The following MAP3K7 variants were observed in gnomAD, a reference collection of about 807,000 sequenced individuals.
MAP3K7 encodes the protein mitogen-activated protein kinase kinase kinase 7, also known as TGF-beta activated kinase 1.
A neutral mutation model predicts 84.8 loss-of-function variants in MAP3K7; 21 were observed. The observed-to-expected ratio is 0.25, with a 90% CI of 0.18 to 0.36. The LOEUF (loss-of-function observed/expected upper bound fraction) is 0.36, where lower values mean the gene tolerates loss of function less well. Among genes scored for constraint, MAP3K7 ranks in the 10% least tolerant of loss-of-function variants. The pLI, the probability that MAP3K7 is intolerant of heterozygous loss-of-function variation, is 1.00. For missense variants in MAP3K7, 503 were observed against 747.7 expected, an observed-to-expected ratio of 0.67 and a Z score of 3.82; for synonymous variants, 241 against 247.7, an observed-to-expected ratio of 0.97 and a Z score of 0.25.
At position 90,518,497 on chromosome 6, in the gene MAP3K7, T is replaced by A; in HGVS notation, c.1590A>T (p.Ala530=). 1 of 1,609,186 alleles carries A rather than the reference T, an allele frequency of 6.2e-7. No homozygotes were observed. Among genetic ancestry groups the A allele is most frequent in the Admixed American group, 1.7e-5 (1 of 59,718 alleles). The change falls in exon 16 of 17, where the codon GCA becomes GCT. Residue 530 remains alanine (A), a synonymous_variant. Coordinates refer to ENST00000369329, the MANE Select transcript of MAP3K7 (RefSeq NM_145331.3). ...MAVFEQHCKM[A]QEYMKVQTEI... ...CTGTTTGAACTTTCATATATTCTTG[T>A]GCCATTTTACAATGCTGTTCAAACA...
intron 5 of MAP3K7, among the ~76,000 whole-genome samples, chr6:90,558,996 TC>T (rs1776422285): frequency 6.6e-6 from 1 of 152,224 alleles, no homozygotes; most frequent in Non-Finnish European, 1.5e-5. Flanking sequence ...CTTTAATAAT[TC>T]AACTCTGTTA....
chr6:90,564,515 G>C (rs1040923405), intron 3 of MAP3K7, among the ~76,000 whole-genome samples: 2 of 152,108 alleles, frequency 1.3e-5, no homozygotes, highest in African/African-American at 4.8e-5. Context: ...AACAAGAAGA[G>C]CTAACTATCC....
intron 13 of MAP3K7, among the ~76,000 whole-genome samples, chr6:90,532,623 A>T (rs1775544923): frequency 6.6e-6 from 1 of 152,210 alleles, no homozygotes; most frequent in South Asian, 2.1e-4. Context: ...CCTCTAAGAG[A>T]ATTCTTGAAT....
At chr6:90,557,769 C>T (rs193198566) in intron 5 of MAP3K7, among the ~76,000 whole-genome samples, 2 of 152,272 alleles carry the variant, frequency 1.3e-5, no homozygotes, top group East Asian at 3.9e-4. Context: ...GTTCACCAGC[C>T]TTGAACAGGA....
At chr6:90,560,326 A>G (rs1166835852) in intron 4 of MAP3K7, 112 bp from the exon 5 acceptor site, 2 of 1,033,230 alleles carry the variant, frequency 1.9e-6, no homozygotes, top group Non-Finnish European at 2.9e-6. Context: ...ACATATACAT[A>G]TGCTCCATCA....
At chr6:90,572,580 A>AC (rs1776942332) in intron 1 of MAP3K7, among the ~76,000 whole-genome samples, 1 of 151,820 alleles carries the variant, frequency 6.6e-6, no homozygotes, top group Non-Finnish European at 1.5e-5. Flanking sequence ...AAAAAAAAAA[A>AC]ACCAAAAACC....
intron 3 of MAP3K7, among the ~76,000 whole-genome samples, chr6:90,562,586 T>G (rs1279943003): frequency 2.0e-5 from 3 of 152,174 alleles, no homozygotes; most frequent in Non-Finnish European, 4.4e-5. Context: ...AAGTTCGAAC[T>G]GGGTGGAGCC....
intron 1 of MAP3K7, among the ~76,000 whole-genome samples, chr6:90,579,615 C>T (rs1777201655): frequency 6.6e-6 from 1 of 152,142 alleles, no homozygotes; most frequent in South Asian, 2.1e-4. Flanking sequence ...CATTATCAGT[C>T]CCTCACTTGT....
rs781409783 is a variant in MAP3K7, at chr6:90,519,326, T to A, written c.1463-7A>T. On this transcript the variant is annotated splice_region_variant and splice_polypyrimidine_tract_variant and intron_variant, in intron 14 of 16. Coordinates refer to ENST00000369329, the MANE Select transcript of MAP3K7 (RefSeq NM_145331.3). ...TTATCTGATCCATTGGTATCTGGAA[T>A]TCAAGCATGTATTTTATTGATTTTC... The A allele has an allele frequency of 6.4e-7, 1 of 1,555,078 alleles. No individual in the cohort carries two copies. Among genetic ancestry groups the A allele is most frequent in the Non-Finnish European group, 8.7e-7 (1 of 1,147,462 alleles).
intron 1 of MAP3K7, among the ~76,000 whole-genome samples, chr6:90,573,834 T>C (rs1246608673): frequency 6.6e-6 from 1 of 152,234 alleles, no homozygotes; most frequent in Non-Finnish European, 1.5e-5. Flanking sequence ...CCAACTTCTC[T>C]GGTAGCTAGT....
chr6:90,569,488 T>C (rs1280448392), intron 2 of MAP3K7, among the ~76,000 whole-genome samples: 1 of 152,042 alleles, frequency 6.6e-6, no homozygotes, highest in East Asian at 1.9e-4. Context: ...TCTTTCTTTC[T>C]TTCTTTCTTT....
At chr6:90,555,493 G>A (rs970416422) in intron 6 of MAP3K7, among the ~76,000 whole-genome samples, 1 of 152,110 alleles carries the variant, frequency 6.6e-6, no homozygotes, top group Admixed American at 6.5e-5. Flanking sequence ...CTGACCTCAT[G>A]ATCCGCCCAC....
At chr6:90,580,879 G>A (rs1163175434) in intron 1 of MAP3K7, among the ~76,000 whole-genome samples, 1 of 152,164 alleles carries the variant, frequency 6.6e-6, no homozygotes, top group Admixed American at 6.5e-5. Context: ...AAATCAAAAT[G>A]TTTTTGATTA....
chr6:90,533,531 T>C (rs1254625435), intron 13 of MAP3K7, among the ~76,000 whole-genome samples: 1 of 152,194 alleles, frequency 6.6e-6, no homozygotes, highest in Non-Finnish European at 1.5e-5. Flanking sequence ...GGGAGGGCAG[T>C]CCAGAGTGAG....
intron 1 of MAP3K7, among the ~76,000 whole-genome samples, chr6:90,583,062 C>G (rs1446823737): frequency 6.6e-6 from 1 of 151,842 alleles, no homozygotes; most frequent in Non-Finnish European, 1.5e-5. Context: ...TTTGTACTTT[C>G]AGTAGTGACG....
At chr6:90,575,979 G>A (rs1349560202) in intron 1 of MAP3K7, among the ~76,000 whole-genome samples, 1 of 151,966 alleles carries the variant, frequency 6.6e-6, no homozygotes, top group Non-Finnish European at 1.5e-5. Context: ...GAGGAGAAAA[G>A]AAAATCGATA....
chr6:90,568,487 C>A, intron 3 of MAP3K7, 71 bp downstream of exon 3: 5 of 1,270,542 alleles, frequency 3.9e-6, no homozygotes, highest in South Asian at 1.4e-5. Context: ...CCAAAAATAG[C>A]TACATAAACT....
At chr6:90,538,402 C>A (rs1013889174) in intron 12 of MAP3K7, among the ~76,000 whole-genome samples, 1 of 151,518 alleles carries the variant, frequency 6.6e-6, no homozygotes, top group African/African-American at 2.4e-5. Flanking sequence ...CTTTTTTGGT[C>A]CTTTGATATG....
chr6:90,548,164 G>A lies in MAP3K7; in HGVS notation c.963C>T (p.Asp321=). The change falls in exon 10 of 17, where the codon GAC becomes GAT. Residue 321 remains aspartate, a synonymous_variant. Coordinates refer to ENST00000369329, the MANE Select transcript of MAP3K7 (RefSeq NM_145331.3). ...TGTTACTCGTATTTGTAGAAGCAAT[G>A]TCCATGAATGAGCCTAGGAAAAGCA... ...NSATSTGSFM[D]IASTNTSNKS... 1 of 1,608,978 alleles carries A rather than the reference G, an allele frequency of 6.2e-7. No homozygotes were observed. The highest frequency in any genetic ancestry group is 8.5e-7 in the Non-Finnish European group (1 of 1,177,940).
Sources: allele counts gnomAD v4.1 joint callset (sites outside exome capture counted in the v4.1 genomes callset), GRCh38; gene constraint gnomAD v4.1.1; transcripts MANE v1.5; gene names NCBI Gene and HGNC (gene_info 2026-07-23, HGNC 2026-07-21).